The following SEC63 variants were observed in gnomAD, a reference collection of about 807,000 sequenced individuals.
The protein encoded by SEC63 is translocation protein SEC63 homolog.
Under a neutral mutation model 116.2 loss-of-function variants are expected in SEC63, and 56 were observed. That is an observed-to-expected ratio of 0.48 (90% CI 0.39 to 0.60). SEC63 has a LOEUF of 0.60. Ranked by LOEUF, SEC63 falls within the 20% of genes least tolerant of loss-of-function variation. SEC63 has a pLI of 0.00. For missense variants in SEC63, 668 were observed against 900.0 expected, an observed-to-expected ratio of 0.74 and a Z score of 3.30; for synonymous variants, 273 against 294.6, an observed-to-expected ratio of 0.93 and a Z score of 0.75.
rs549673809 is a variant in SEC63 at position 107,915,831 on chromosome 6, T to C, written c.453-2404A>G. 3.9e-5 allele frequency among the ~76,000 whole-genome samples: 6 copies of C among 152,316 alleles called. No individual in the cohort carries two copies. In the East Asian group the frequency reaches 1.2e-3, roughly 29 times the overall value. ...CTTAGAACTTATAGTTGGTAAAATA[T>C]ATACCTTTATCTAATATAGTTATAT... On this transcript the variant is annotated intron_variant, in intron 4 of 20. Coordinates refer to ENST00000369002, the MANE Select transcript of SEC63 (RefSeq NM_007214.5).
intron 14 of SEC63, among the ~76,000 whole-genome samples, chr6:107,895,106 G>A (rs1342815644): frequency 6.6e-6 from 1 of 152,204 alleles, no homozygotes; most frequent in African/African-American, 2.4e-5. Context: ...CCAAGGTACA[G>A]TTCATACAAG....
At chr6:107,909,300 T>C (rs2114454563) in intron 7 of SEC63, 1 of 389,692 alleles carries the variant, frequency 2.6e-6, no homozygotes, top group South Asian at 2.2e-5. Context: ...ATTGCTAGAG[T>C]CCAGGAGGTC....
chr6:107,954,713 G>C (rs1448919078), intron 1 of SEC63: 1 of 152,108 alleles, frequency 6.6e-6, no homozygotes, highest in Non-Finnish European at 1.5e-5. Flanking sequence ...TCAGAGCTTT[G>C]AATGAGGCAG....
chr6:107,892,091 T>C (rs1786696439), intron 16 of SEC63, among the ~76,000 whole-genome samples: 1 of 152,236 alleles, frequency 6.6e-6, no homozygotes, highest in Non-Finnish European at 1.5e-5. Context: ...CTGGTAGATC[T>C]GCTGCTGTCT....
rs1342171927 is a variant in SEC63, at chr6:107,870,562, T to C, written c.*1142A>G. The C allele has an allele frequency of 6.6e-6, 1 of 152,264 alleles. No homozygotes were observed. The highest frequency in any genetic ancestry group is 1.5e-5 in the Non-Finnish European group (1 of 68,020). The allele number at this position is 152,264 out of a possible 1,614,324, so 9.4% of individuals were successfully genotyped here. A position where few individuals can be genotyped will look rare whatever the true frequency, so the allele number is the denominator to read the frequency against. Reference sequence around the variant, plus strand: ...CCCTCAATGATTCATCATGTACACATCTCTACTCTTTACAAGCACTATCCT... The same window carrying C: ...CCCTCAATGATTCATCATGTACACACCTCTACTCTTTACAAGCACTATCCT... On this transcript the variant is annotated 3_prime_UTR_variant, in exon 21 of 21. Transcript: ENST00000369002.
At chr6:107,927,737 A>C (rs534364289) in intron 2 of SEC63, among the ~76,000 whole-genome samples, 15 of 152,286 alleles carry the variant, frequency 9.8e-5, no homozygotes, top group African/African-American at 3.4e-4. Flanking sequence ...CAGGACCCCC[A>C]CAGATACTAA....
At chr6:107,877,614 C>T (rs1176745052) in intron 18 of SEC63, among the ~76,000 whole-genome samples, 1 of 151,938 alleles carries the variant, frequency 6.6e-6, no homozygotes, top group Non-Finnish European at 1.5e-5. Flanking sequence ...CTAATTTTTG[C>T]ATTTTTTGTA....
At chr6:107,874,495 C>A (rs1363076309) in intron 19 of SEC63, among the ~76,000 whole-genome samples, 1 of 150,022 alleles carries the variant, frequency 6.7e-6, no homozygotes, top group Non-Finnish European at 1.5e-5. Flanking sequence ...ACTCAGGAGG[C>A]TGAGGCAGGA....
intron 7 of SEC63, chr6:107,909,291 T>G (rs1197442929): frequency 5.0e-6 from 2 of 399,512 alleles, no homozygotes; most frequent in African/African-American, 4.1e-5. Context: ...GGTGGGAAGA[T>G]TGCTAGAGTC....
intron 16 of SEC63, among the ~76,000 whole-genome samples, chr6:107,889,940 G>C (rs912861890): frequency 6.6e-6 from 1 of 152,208 alleles, no homozygotes; most frequent in African/African-American, 2.4e-5. Context: ...ACTGTGGTCT[G>C]AGAGACAGTC....
Position 107,893,672 on chromosome 6 carries a change from G to T in SEC63, c.1501-17C>A. 3 of 1,613,332 alleles carry T rather than the reference G, an allele frequency of 1.9e-6. No homozygotes were observed. Among genetic ancestry groups the T allele is most frequent in the Non-Finnish European group, 2.5e-6 (3 of 1,179,612 alleles). On this transcript the variant is annotated splice_polypyrimidine_tract_variant and intron_variant, in intron 15 of 20. Coordinates refer to ENST00000369002, the MANE Select transcript of SEC63 (RefSeq NM_007214.5). The stretch of plus-strand genomic sequence containing the variant: ...TTCACCCTGCTGTGAATCATAACAC[G>T]TCACACTCTTAAGTTATAGCAACAG...
intron 1 of SEC63, among the ~76,000 whole-genome samples, chr6:107,953,891 G>A (rs1770642608): frequency 6.6e-6 from 1 of 151,774 alleles, no homozygotes; most frequent in Non-Finnish European, 1.5e-5. Context: ...GGGAGGTGAG[G>A]GGCGCCTCTC....
In SEC63 at chr6:107,891,651, G is replaced by T. The variant is rs192175802; in HGVS notation, c.1674+1831C>A. On this transcript the variant is annotated intron_variant, in intron 16 of 20. Transcript: ENST00000369002. ...TGGAGAAGAGGCATTCTGGTTTTTG[G>T]AATTTTCAGCCTTTTTGGGCTGATT... Among the ~76,000 whole-genome samples, 26 of 152,200 alleles carry T rather than the reference G, an allele frequency of 1.7e-4. No individual in the cohort carries two copies. The East Asian group carries it at 4.1e-3, about 24-fold the overall frequency.
At chr6:107,926,144 T>G (rs114297149) in intron 2 of SEC63, among the ~76,000 whole-genome samples, 2,227 of 152,300 alleles carry the variant, frequency 0.015, 49 homozygotes, top group African/African-American at 0.05. Context: ...TTCTGGCTAC[T>G]AAAAATATTT....
At chr6:107,941,155 G>A (rs1212015244) in intron 1 of SEC63, among the ~76,000 whole-genome samples, 2 of 152,166 alleles carry the variant, frequency 1.3e-5, no homozygotes, top group Non-Finnish European at 2.9e-5. Context: ...AAGGGCCTCT[G>A]GAGATAAGTG....
At chr6:107,914,929 G>T (rs567050868) in intron 4 of SEC63, among the ~76,000 whole-genome samples, 1 of 152,050 alleles carries the variant, frequency 6.6e-6, no homozygotes, top group Non-Finnish European at 1.5e-5. Context: ...ACAGACCTAC[G>T]AGTTACGATT....
chr6:107,921,692 T>G, intron 4 of SEC63, 105 bp downstream of exon 4: 1 of 785,292 alleles, frequency 1.3e-6, no homozygotes, highest in Middle Eastern at 2.3e-4. Context: ...GCTCAAGCGA[T>G]CCTCCTGCCT....
intron 7 of SEC63, among the ~76,000 whole-genome samples, chr6:107,910,060 C>T (rs576433515): frequency 6.6e-6 from 1 of 152,152 alleles, no homozygotes; most frequent in South Asian, 2.1e-4. Context: ...AATGTGTGTA[C>T]ATAAATTCAT....
chr6:107,900,411 G>A (rs562638299), intron 13 of SEC63, among the ~76,000 whole-genome samples: 1 of 152,174 alleles, frequency 6.6e-6, no homozygotes, highest in Non-Finnish European at 1.5e-5. Context: ...GGAGGCCAAG[G>A]CAGGTGGAGC....
Sources: gnomAD v4.1 joint callset for allele counts (sites outside exome capture counted in the v4.1 genomes callset) on GRCh38, gnomAD v4.1.1 for gene constraint, MANE v1.5 for transcripts, NCBI Gene and HGNC (gene_info 2026-07-23, HGNC 2026-07-21) for gene names.